Variants in NAA10 observed in about 807,000 individuals in gnomAD.
NAA10 encodes N-alpha-acetyltransferase 10.
Under a neutral mutation model 19.2 loss-of-function variants are expected in NAA10, and 6 were observed. The ratio of observed to expected loss-of-function variants is 0.31; its 90% CI spans 0.17 to 0.62. The LOEUF is 0.62. NAA10 is among the 20% of genes least tolerant of loss of function. The probability of loss-of-function intolerance (pLI) is 0.83; values close to 1 mark genes in which losing one functional copy is unlikely to be tolerated. For missense variants in NAA10, 101 were observed against 198.4 expected (o/e 0.51, Z 2.95); for synonymous variants, 97 against 79.9 (o/e 1.21, Z -1.14).
Position 153,929,889 on chromosome X carries a change from C to T in NAA10, c.*98G>A, listed in dbSNP as rs2065155764. On this transcript the variant is annotated 3_prime_UTR_variant, in exon 8 of 8. Transcript: ENST00000464845. ...CCACCAGAGGACCTGGAGAAACACACCCTCTAAATGTGCGCGCGCTCACAC... is the reference window on the plus strand; with the variant it reads ...CCACCAGAGGACCTGGAGAAACACATCCTCTAAATGTGCGCGCGCTCACAC... 5 of 707,984 alleles carry T rather than the reference C, an allele frequency of 7.1e-6. No homozygotes were observed. Among genetic ancestry groups the T allele is most frequent in the Non-Finnish European group, 1.1e-5 (5 of 448,965 alleles). 58.3% of individuals were successfully genotyped at this position (707,984 alleles called of 1,213,427 possible). A position where few individuals can be genotyped will look rare whatever the true frequency, so the allele number is the denominator to read the frequency against.
Position 153,931,105 on chromosome X carries a change from G to A in NAA10, c.387-258C>T, listed in dbSNP as rs781847154. 2.5e-4 allele frequency: 265 copies of A among 1,067,559 alleles called. 4 individuals are homozygous for A. The South Asian group carries it at 4.2e-3, about 17-fold the overall frequency. 88.0% of individuals were successfully genotyped at this position (1,067,559 alleles called of 1,213,427 possible). ...TAAGGATCCATTTCTGCGGTTTCTT[G>A]TGAGCTGAAGCCCTGAATTCAGCCT... On this transcript the variant is annotated intron_variant, in intron 6 of 7. Transcript: ENST00000464845.
rs372109326 is a variant in NAA10, at chrX:153,932,174, T to C, written c.342-59A>G. 6 of 1,194,732 alleles carry C rather than the reference T, an allele frequency of 5.0e-6. No homozygotes were observed. In the African/African-American group the frequency reaches 8.8e-5, roughly 18 times the overall value. On this transcript the variant is annotated intron_variant, in intron 5 of 7. Coordinates refer to ENST00000464845, the MANE Select transcript of NAA10 (RefSeq NM_003491.4). ...GATTTGGCCAGGGAGGGGTAGCACG[T>C]CCAGGTCTTGCCCCTCCTCCTGGTC... is the stretch of plus-strand genomic sequence containing the variant.
chrX:153,934,546 C>T (rs1408255052), intron 1 of NAA10, 71 bp from the exon 2 acceptor site: 29 of 866,960 alleles, frequency 3.3e-5, no homozygotes, highest in Non-Finnish European at 4.8e-5. Context: ...AAGCCTGCTC[C>T]CCGTCGGTCT....
chrX:153,931,162 C>A, intron 6 of NAA10: 1 of 977,150 alleles, frequency 1.0e-6, no homozygotes, highest in African/African-American at 2.0e-5. Flanking sequence ...CGCCCTGTCC[C>A]TTACTGAGCT....
At chrX:153,932,167 T>C in intron 5 of NAA10, 52 bp from the exon 6 acceptor site, 1 of 1,198,471 alleles carries the variant, frequency 8.3e-7, no homozygotes. Context: ...CAGGGAGGGG[T>C]AGCACGTCCA....
Position 153,932,551 on chromosome X carries a change from A to G in NAA10, c.213T>C (p.His71=), listed in dbSNP as rs200960777. The G allele has an allele frequency of 8.3e-7, 1 of 1,207,190 alleles. No individual in the cohort carries two copies. Among genetic ancestry groups the G allele is most frequent in the Non-Finnish European group, 1.1e-6 (1 of 892,808 alleles). The change falls in exon 4 of 8, where the codon CAT becomes CAC. Residue 71 remains histidine, a synonymous_variant. Coordinates refer to ENST00000464845, the MANE Select transcript of NAA10 (RefSeq NM_003491.4). The stretch of plus-strand genomic sequence containing the variant: ...GGACCTTACATACCAATGAGGTGAT[A>G]TGTCCATGGGGCACATCATCTGGGT... ...EEDPDDVPHG[H]ITSLAVKRSH...
chrX:153,931,741 C>T (rs1306851429), intron 6 of NAA10: 23 of 993,559 alleles, frequency 2.3e-5, no homozygotes, highest in Non-Finnish European at 2.6e-5. Flanking sequence ...TCCTCAGCAT[C>T]TGCTCACGCC....
chrX:153,930,029 T>G lies in NAA10; in HGVS notation c.666A>C (p.Thr222=). The G allele has an allele frequency of 8.3e-7, 1 of 1,211,296 alleles. No homozygotes were observed. Among genetic ancestry groups the G allele is most frequent in the East Asian group, 3.0e-5 (1 of 33,837 alleles). The change falls in exon 8 of 8, where the codon ACA becomes ACC. Residue 222 remains threonine (T), a synonymous_variant. Coordinates refer to ENST00000464845, the MANE Select transcript of NAA10 (RefSeq NM_003491.4). The part of the protein sequence containing the change: ...LSEVSETTES[T]DVKDSSEASD... ...AGGCCTCTGAGCTGTCCTTGACATC[T>G]GTGCTCTCTGTGGTCTCGCTGACCT...
intron 1 of NAA10, 113 bp downstream of exon 1, chrX:153,934,771 G>T: frequency 1.2e-6 from 1 of 860,634 alleles, no homozygotes; most frequent in Non-Finnish European, 1.5e-6. Context: ...AGCGGCCGCA[G>T]GCACACTCAG....
rs2071130 is a variant in NAA10 at position 153,930,604 on chromosome X, T to C, written c.471+159A>G. The C allele has an allele frequency of 0.25, 135,568 of 536,668 alleles. 16,634 individuals carry two copies. Among genetic ancestry groups the C allele is most frequent in the East Asian group, 0.67 (18,809 of 27,924 alleles). The allele number at this position is 536,668 out of a possible 1,213,427, so 44.2% of individuals were successfully genotyped here. On this transcript the variant is annotated intron_variant, in intron 7 of 7. Transcript: ENST00000464845. ...ATCACCCTCCAGGCTGCTAGGCAGA[T>C]GGCCTCCTCTAAAGCCCAGCCTAGG...
At position 153,933,929 on chromosome X, in the gene NAA10, C is replaced by G; in HGVS notation, c.179+14G>C. On this transcript the variant is annotated intron_variant, in intron 3 of 7. Coordinates refer to ENST00000464845, the MANE Select transcript of NAA10 (RefSeq NM_003491.4). ...AGACACGTGTAGCTTCTGTCTTCCT[C>G]CTTGGTGACTCACATTTTGGCCAGG... 1 of 1,206,380 alleles carries G rather than the reference C, an allele frequency of 8.3e-7. No individual in the cohort carries two copies. Among genetic ancestry groups the G allele is most frequent in the Non-Finnish European group, 1.1e-6 (1 of 890,540 alleles).
chrX:153,929,630 T>G lies in NAA10; in HGVS notation c.*357A>C. The G allele has an allele frequency of 8.4e-6, 2 of 237,432 alleles. No homozygotes were observed. The highest frequency in any genetic ancestry group is 1.5e-5 in the Non-Finnish European group (2 of 132,866). The allele number at this position is 237,432 out of a possible 1,213,427, so 19.6% of individuals were successfully genotyped here. The stretch of plus-strand genomic sequence containing the variant: ...GAAGAGAACTGAAGGCCACCAAGAG[T>G]GGGAGCCCTGCTGTTGAGCTTTGAG... On this transcript the variant is annotated 3_prime_UTR_variant, in exon 8 of 8. Coordinates refer to ENST00000464845, the MANE Select transcript of NAA10 (RefSeq NM_003491.4).
chrX:153,935,030 G>C lies in NAA10; in HGVS notation c.-126C>G. On this transcript the variant is annotated 5_prime_UTR_variant, in exon 1 of 8. Transcript: ENST00000464845. ...CTGGGCTCGCTGGGCGACGGCGGAA[G>C]GGGCGGTGCGCGCCGGGCCGGCCAC... 1.5e-6 allele frequency: 1 copy of C among 670,495 alleles called. No individual in the cohort carries two copies. Among genetic ancestry groups the C allele is most frequent in the Non-Finnish European group, 1.9e-6 (1 of 532,434 alleles). 55.3% of individuals were successfully genotyped at this position (670,495 alleles called of 1,213,427 possible).
chrX:153,929,774 C>T lies in NAA10; in HGVS notation c.*213G>A. The T allele has an allele frequency of 4.6e-6, 2 of 438,690 alleles. No individual in the cohort carries two copies. Among genetic ancestry groups the T allele is most frequent in the Non-Finnish European group, 8.0e-6 (2 of 251,181 alleles). 36.2% of individuals were successfully genotyped at this position (438,690 alleles called of 1,213,427 possible). ...CCCCGGGGCCACAGCTGCTGAAGGT[C>T]ATGAGACTAGGGAGTCCCACCTCCA... On this transcript the variant is annotated 3_prime_UTR_variant, in exon 8 of 8. Coordinates refer to ENST00000464845, the MANE Select transcript of NAA10 (RefSeq NM_003491.4).
At chrX:153,933,829 T>A in intron 3 of NAA10, 114 bp downstream of exon 3, 1 of 682,680 alleles carries the variant, frequency 1.5e-6, no homozygotes, top group Non-Finnish European at 2.3e-6. Flanking sequence ...TCTGTTCAAT[T>A]TTTCTATAAA....
rs1474783232 is a variant in NAA10, at chrX:153,930,655, C to T, written c.471+108G>A. 4.7e-6 allele frequency: 4 copies of T among 853,974 alleles called. No individual in the cohort carries two copies. In the East Asian group the frequency reaches 9.4e-5, roughly 20 times the overall value. The allele number at this position is 853,974 out of a possible 1,213,427, so 70.4% of individuals were successfully genotyped here. A position where few individuals can be genotyped will look rare whatever the true frequency, so the allele number is the denominator to read the frequency against. ...AAACTGAGGTCGTGACTCCTGGCAACGTAGCCACAAGAGCTGGCATCCAAA... is the reference window on the plus strand; with the variant it reads ...AAACTGAGGTCGTGACTCCTGGCAATGTAGCCACAAGAGCTGGCATCCAAA... On this transcript the variant is annotated intron_variant, in intron 7 of 7. Coordinates refer to ENST00000464845, the MANE Select transcript of NAA10 (RefSeq NM_003491.4).
intron 6 of NAA10, 98 bp downstream of exon 6, chrX:153,931,973 A>C (rs2065168847): frequency 8.3e-7 from 1 of 1,207,709 alleles, no homozygotes; most frequent in Non-Finnish European, 1.1e-6. Flanking sequence ...CAGCCGGCCC[A>C]CCCCCGACCT....
At chrX:153,930,993 G>A (rs1173760103) in intron 6 of NAA10, 146 bp from the exon 7 acceptor site, 15 of 1,185,366 alleles carry the variant, frequency 1.3e-5, no homozygotes, top group Non-Finnish European at 1.7e-5. Flanking sequence ...AGTGTGACCT[G>A]CCCTCTGTTC....
rs781795806 is a variant in NAA10 at position 153,933,973 on chromosome X, C to A, written c.149G>T (p.Gly50Val). The change falls in exon 3 of 8, where the codon GGG becomes GTG. Residue 50 changes from glycine (G) to valine (V), a missense_variant. Coordinates refer to ENST00000464845, the MANE Select transcript of NAA10 (RefSeq NM_003491.4). Reference protein sequence around the residue: ...QLSYIAEDENGKIVGYVLAKM... With the variant: ...QLSYIAEDENVKIVGYVLAKM... Reference sequence around the variant, plus strand: ...GGCCAGGACATACCCCACAATCTTCCCATTCTCGTCCTCAGCAATGTAAGA... The same window carrying A: ...GGCCAGGACATACCCCACAATCTTCACATTCTCGTCCTCAGCAATGTAAGA... 8 of 1,211,181 alleles carry A rather than the reference C, an allele frequency of 6.6e-6. No homozygotes were observed. The highest frequency in any genetic ancestry group is 8.9e-6 in the Non-Finnish European group (8 of 895,084).
Sources: gnomAD v4.1 joint callset for allele counts on GRCh38, gnomAD v4.1.1 for gene constraint, MANE v1.5 for transcripts, NCBI Gene and HGNC (gene_info 2026-07-23, HGNC 2026-07-21) for gene names.